Variants in DMD observed in about 807,000 individuals in gnomAD.
The protein encoded by DMD is mutant dystrophin.
Under a neutral mutation model 330.1 loss-of-function variants are expected in DMD, and 63 were observed. The ratio of observed to expected loss-of-function variants is 0.19; its 90% CI spans 0.16 to 0.24. DMD has a LOEUF of 0.24. Among genes scored for constraint, DMD ranks in the 10% least tolerant of loss-of-function variants. The pLI, the probability that DMD is intolerant of heterozygous loss-of-function variation, is 1.00. For synonymous variants in DMD, 1,223 were observed against 959.8 expected (o/e 1.27, Z -5.07); for missense variants, 3,344 against 2,684.1 (o/e 1.25, Z -5.43).
intron 29 of DMD, among the ~76,000 whole-genome samples, chrX:32,432,280 GATC>G (rs762367615): frequency 3.7e-4 from 41 of 111,476 alleles, no homozygotes; most frequent in African/African-American, 1.2e-3. Flanking sequence ...TGAGCCAGAG[GATC>G]ATATTTCTTT....
intron 62 of DMD, among the ~76,000 whole-genome samples, chrX:31,299,592 T>C (rs756516223): frequency 9.1e-6 from 1 of 109,695 alleles, no homozygotes; most frequent in Non-Finnish European, 1.9e-5. Flanking sequence ...CCTGGCCAAA[T>C]TGGTGAAACC....
chrX:32,427,659 G>C (rs2098218656), intron 29 of DMD, among the ~76,000 whole-genome samples: 1 of 109,562 alleles, frequency 9.1e-6, no homozygotes, highest in Non-Finnish European at 1.9e-5. Flanking sequence ...ATATTTTCCA[G>C]ACATGTATAT....
chrX:32,028,095 C>T (rs1780856770), intron 44 of DMD, among the ~76,000 whole-genome samples: 1 of 111,603 alleles, frequency 9.0e-6, no homozygotes, highest in South Asian at 3.7e-4. Flanking sequence ...TGCAGGCTAC[C>T]CAGGTAAAGA....
chrX:32,361,464 A>G (rs1603631666), intron 37 of DMD, among the ~76,000 whole-genome samples: 1 of 111,766 alleles, frequency 8.9e-6, no homozygotes, highest in East Asian at 2.8e-4. Flanking sequence ...ATGGAGAGAG[A>G]GAGTACAAGA....
At chrX:32,762,167 AG>A (rs1372863549) in intron 7 of DMD, among the ~76,000 whole-genome samples, 1 of 105,347 alleles carries the variant, frequency 9.5e-6, no homozygotes, top group Non-Finnish European at 1.9e-5. Context: ...AGAAAAAAAA[AG>A]AAAAAAAAAA....
intron 18 of DMD, 27 bp downstream of exon 18, chrX:32,517,981 A>C: frequency 1.7e-6 from 2 of 1,205,767 alleles, no homozygotes; most frequent in Non-Finnish European, 2.2e-6. Context: ...AAATGAGTAC[A>C]GATATAAAAA....
chrX:31,362,062 C>T (rs1450076592), intron 60 of DMD, among the ~76,000 whole-genome samples: 3 of 112,169 alleles, frequency 2.7e-5, no homozygotes, highest in Admixed American at 9.4e-5. Context: ...TAGAATGATT[C>T]GTTTTCTTGT....
At chrX:32,236,793 T>A (rs1277021476) in intron 43 of DMD, among the ~76,000 whole-genome samples, 2 of 111,842 alleles carry the variant, frequency 1.8e-5, no homozygotes, top group East Asian at 2.8e-4. Context: ...GAAAACCGAC[T>A]AATATGAAGT....
intron 47 of DMD, among the ~76,000 whole-genome samples, chrX:31,918,459 A>G (rs2046544190): frequency 9.0e-6 from 1 of 111,134 alleles, no homozygotes; most frequent in Non-Finnish European, 1.9e-5. Flanking sequence ...TACACAAACC[A>G]TTAGAATATT....
intron 43 of DMD, among the ~76,000 whole-genome samples, chrX:32,232,012 G>A (rs1476917349): frequency 1.8e-5 from 2 of 108,680 alleles, no homozygotes; most frequent in East Asian, 5.6e-4. Flanking sequence ...TATTGAAAAA[G>A]GAGGAATTTA....
intron 55 of DMD, among the ~76,000 whole-genome samples, chrX:31,611,421 A>T (rs1396547800): frequency 9.0e-6 from 1 of 111,204 alleles, no homozygotes; most frequent in Non-Finnish European, 1.9e-5. Flanking sequence ...TTAAAATAAG[A>T]TATTTTGCAC....
chrX:33,280,052 G>A (rs1242083006), intron 1 of DMD, among the ~76,000 whole-genome samples: 3 of 82,622 alleles, frequency 3.6e-5, no homozygotes, highest in African/African-American at 5.0e-5. Flanking sequence ...GTATGATCTC[G>A]ACTCACTGCA....
chrX:32,164,068 G>C (rs2096859276), intron 44 of DMD, among the ~76,000 whole-genome samples: 1 of 111,260 alleles, frequency 9.0e-6, no homozygotes, highest in South Asian at 3.8e-4. Flanking sequence ...TGCCCAGAGT[G>C]TCATACATAA....
chrX:33,231,899 T>C (rs776829165), intron 1 of DMD, among the ~76,000 whole-genome samples: 1 of 111,567 alleles, frequency 9.0e-6, no homozygotes, highest in Admixed American at 9.6e-5. Context: ...ATGCCTTCCA[T>C]TGGCCAAAAC....
chrX:31,602,896 T>C (rs1429973554), intron 55 of DMD, among the ~76,000 whole-genome samples: 1 of 112,103 alleles, frequency 8.9e-6, no homozygotes, highest in Non-Finnish European at 1.9e-5. Flanking sequence ...GCCTCAATCC[T>C]TTCACATCCC....
chrX:32,658,078 G>A (rs1000970459), intron 9 of DMD, among the ~76,000 whole-genome samples: 2 of 111,679 alleles, frequency 1.8e-5, no homozygotes, highest in East Asian at 2.8e-4. Flanking sequence ...AGTCCATAGA[G>A]TTTGTAATTG....
chrX:32,547,663 T>C (rs1287610946), intron 16 of DMD, among the ~76,000 whole-genome samples: 2 of 111,351 alleles, frequency 1.8e-5, no homozygotes, highest in African/African-American at 3.3e-5. Flanking sequence ...CTTATAGTTA[T>C]TGACTATAAC....
chrX:31,376,394 G>T (rs1047757136), intron 60 of DMD, among the ~76,000 whole-genome samples: 5 of 111,923 alleles, frequency 4.5e-5, no homozygotes, highest in African/African-American at 9.7e-5. Flanking sequence ...CTGCTTGGGG[G>T]TGAGTGTAAT....
intron 1 of DMD, among the ~76,000 whole-genome samples, chrX:33,106,563 T>C (rs1413214827): frequency 8.9e-6 from 1 of 112,451 alleles, no homozygotes; most frequent in Non-Finnish European, 1.9e-5. Flanking sequence ...ATTTAATTAC[T>C]AGTAATCATG....
Sources: allele counts gnomAD v4.1 joint callset (sites outside exome capture counted in the v4.1 genomes callset), GRCh38; gene constraint gnomAD v4.1.1; transcripts MANE v1.5; gene names NCBI Gene and HGNC (gene_info 2026-07-23, HGNC 2026-07-21).